The following PIK3CB variants were observed in gnomAD, a reference collection of about 807,000 sequenced individuals.
PIK3CB encodes phosphatidylinositol-4,5-bisphosphate 3-kinase catalytic subunit beta.
PIK3CB carries 39 observed loss-of-function variants against 136.8 expected under a neutral mutation model. The ratio of observed to expected loss-of-function variants is 0.29; its 90% CI spans 0.22 to 0.37. The LOEUF (loss-of-function observed/expected upper bound fraction) is 0.37, where lower values mean the gene tolerates loss of function less well. PIK3CB is among the 10% of genes least tolerant of loss of function. The pLI is 1.00. For missense variants in PIK3CB, 868 were observed against 1,275.4 expected, an observed-to-expected ratio of 0.68 and a Z score of 4.87; for synonymous variants, 428 against 436.6, an observed-to-expected ratio of 0.98 and a Z score of 0.25.
chr3:138,743,852 T>G (rs1212105866), intron 4 of PIK3CB, among the ~76,000 whole-genome samples: 1 of 152,202 alleles, frequency 6.6e-6, no homozygotes, highest in Non-Finnish European at 1.5e-5. Context: ...TGAGTCACCA[T>G]GCCCGGCCTA....
intron 1 of PIK3CB, among the ~76,000 whole-genome samples, chr3:138,819,144 C>T (rs1352103492): frequency 1.3e-5 from 2 of 152,088 alleles, no homozygotes; most frequent in Non-Finnish European, 2.9e-5. Flanking sequence ...GTCTGGAGAT[C>T]GAGACCATCC....
At chr3:138,798,209 G>T (rs1375708228) in intron 1 of PIK3CB, among the ~76,000 whole-genome samples, 11 of 152,064 alleles carry the variant, frequency 7.2e-5, no homozygotes, top group Admixed American at 6.6e-4. Flanking sequence ...CTGTTGCCCA[G>T]GCTGAAGTGT....
intron 8 of PIK3CB, among the ~76,000 whole-genome samples, chr3:138,723,519 C>T (rs1305284005): frequency 6.6e-6 from 1 of 152,132 alleles, no homozygotes; most frequent in East Asian, 1.9e-4. Context: ...CACTGCACTC[C>T]AGCCTGGGTG....
intron 4 of PIK3CB, among the ~76,000 whole-genome samples, chr3:138,744,525 C>T (rs1287749190): frequency 3.4e-5 from 5 of 148,478 alleles, no homozygotes; most frequent in Non-Finnish European, 7.4e-5. Context: ...GGGTGGCAGA[C>T]ACAGAAGAGT....
chr3:138,825,536 G>T, intron 1 of PIK3CB: 1 of 661,642 alleles, frequency 1.5e-6, no homozygotes, highest in Non-Finnish European at 2.7e-6. Context: ...GGTGGGAACA[G>T]TGACAACATG....
intron 22 of PIK3CB, 110 bp downstream of exon 22, chr3:138,657,580 G>T: frequency 1.0e-6 from 1 of 960,840 alleles, no homozygotes; most frequent in African/African-American, 1.7e-5. Context: ...CCTATAATCA[G>T]ACTGAATATC....
At chr3:138,809,073 A>G (rs2108863435) in intron 1 of PIK3CB, among the ~76,000 whole-genome samples, 1 of 152,014 alleles carries the variant, frequency 6.6e-6, no homozygotes. Context: ...CAGGAGTTCA[A>G]GATCATCCTG....
At chr3:138,816,419 C>G (rs1389226103) in intron 1 of PIK3CB, among the ~76,000 whole-genome samples, 4 of 151,934 alleles carry the variant, frequency 2.6e-5, no homozygotes, top group Non-Finnish European at 5.9e-5. Context: ...CATGGTGAAA[C>G]CCCATCTCTA....
At chr3:138,811,145 T>G (rs1933026111) in intron 1 of PIK3CB, among the ~76,000 whole-genome samples, 1 of 145,190 alleles carries the variant, frequency 6.9e-6, no homozygotes, top group Non-Finnish European at 1.5e-5. Flanking sequence ...GAGACTCGCT[T>G]GAACCTGGGA....
At chr3:138,679,729 C>T (rs2043724011) in intron 19 of PIK3CB, among the ~76,000 whole-genome samples, 1 of 148,606 alleles carries the variant, frequency 6.7e-6, no homozygotes, top group African/African-American at 2.4e-5. Flanking sequence ...ACTATAGGCA[C>T]ATGCCAACAT....
At chr3:138,832,283 T>TA (rs1333309778) in intron 1 of PIK3CB, among the ~76,000 whole-genome samples, 2 of 152,178 alleles carry the variant, frequency 1.3e-5, no homozygotes, top group Non-Finnish European at 2.9e-5. Flanking sequence ...TCAACACTTC[T>TA]AAAAAACACT....
At chr3:138,794,991 C>T (rs1220548132) in intron 2 of PIK3CB, among the ~76,000 whole-genome samples, 2 of 151,870 alleles carry the variant, frequency 1.3e-5, no homozygotes, top group South Asian at 4.2e-4. Context: ...TGGACTCCAG[C>T]CTGAGTGACA....
At chr3:138,791,616 C>T (rs148083603) in intron 2 of PIK3CB, among the ~76,000 whole-genome samples, 1 of 152,280 alleles carries the variant, frequency 6.6e-6, no homozygotes, top group East Asian at 1.9e-4. Flanking sequence ...GCTCCTACTA[C>T]CTCCACCCTC....
chr3:138,762,983 A>AT (rs2045682519), intron 2 of PIK3CB, among the ~76,000 whole-genome samples: 1 of 152,076 alleles, frequency 6.6e-6, no homozygotes, highest in Non-Finnish European at 1.5e-5. Flanking sequence ...CAACAATAAA[A>AT]AAATATATAT....
chr3:138,706,509 A>G (rs2044380829), intron 11 of PIK3CB, among the ~76,000 whole-genome samples: 1 of 152,258 alleles, frequency 6.6e-6, no homozygotes, highest in Non-Finnish European at 1.5e-5. Context: ...AGCAGTGACT[A>G]TACCTTTAAT....
At chr3:138,752,289 G>A (rs528587449) in intron 4 of PIK3CB, among the ~76,000 whole-genome samples, 17 of 152,188 alleles carry the variant, frequency 1.1e-4, no homozygotes, top group Admixed American at 4.6e-4. Context: ...GGGCAATTAC[G>A]TCTCTAAAGG....
At chr3:138,680,494 TC>T (rs1457343385) in intron 19 of PIK3CB, among the ~76,000 whole-genome samples, 1 of 152,164 alleles carries the variant, frequency 6.6e-6, no homozygotes, top group African/African-American at 2.4e-5. Context: ...TGTGTATAAA[TC>T]TCTGTCTACA....
chr3:138,790,475 A>T (rs979033679), intron 2 of PIK3CB, among the ~76,000 whole-genome samples: 1 of 151,438 alleles, frequency 6.6e-6, no homozygotes, highest in African/African-American at 2.4e-5. Flanking sequence ...GCAAAATGAT[A>T]AATTTTATAT....
At chr3:138,683,337 G>A (rs957127284) in intron 18 of PIK3CB, among the ~76,000 whole-genome samples, 6 of 146,718 alleles carry the variant, frequency 4.1e-5, no homozygotes, top group Admixed American at 4.1e-4. Flanking sequence ...CTGGGTGACA[G>A]TGAGACCCTG....
Sources: allele counts gnomAD v4.1 joint callset (sites outside exome capture counted in the v4.1 genomes callset), GRCh38; gene constraint gnomAD v4.1.1; transcripts MANE v1.5; gene names NCBI Gene and HGNC (gene_info 2026-07-23, HGNC 2026-07-21).